The following ADGRG6 variants were observed in gnomAD, a reference collection of about 807,000 sequenced individuals.
ADGRG6 encodes the protein G-protein coupled receptor 126.
Under a neutral mutation model 142.4 loss-of-function variants are expected in ADGRG6, and 84 were observed. That is an observed-to-expected ratio of 0.59 (90% CI 0.49 to 0.71). The LOEUF (loss-of-function observed/expected upper bound fraction) is 0.71, where lower values mean the gene tolerates loss of function less well. ADGRG6 is among the 30% of genes least tolerant of loss of function. ADGRG6 has a pLI of 0.00. For missense variants in ADGRG6, 1,367 were observed against 1,466.6 expected, an observed-to-expected ratio of 0.93 and a Z score of 1.11; for synonymous variants, 521 against 520.5, an observed-to-expected ratio of 1.00 and a Z score of -0.01.
intron 2 of ADGRG6, among the ~76,000 whole-genome samples, chr6:142,325,856 TAA>T (rs1778750122): frequency 6.6e-6 from 1 of 152,036 alleles, no homozygotes; most frequent in Non-Finnish European, 1.5e-5. Flanking sequence ...TCCAGGAAGA[TAA>T]TGTACTTTTG....
chr6:142,418,044 C>G (rs914755854), intron 21 of ADGRG6, among the ~76,000 whole-genome samples: 1 of 152,062 alleles, frequency 6.6e-6, no homozygotes, highest in Non-Finnish European at 1.5e-5. Flanking sequence ...CCTATAATCC[C>G]AGCACTTTAG....
intron 22 of ADGRG6, among the ~76,000 whole-genome samples, chr6:142,420,468 T>C (rs1159511677): frequency 6.6e-6 from 1 of 152,162 alleles, no homozygotes; most frequent in Non-Finnish European, 1.5e-5. Flanking sequence ...TTCACAGTTT[T>C]GCTGAATGTT....
At chr6:142,342,020 G>C (rs1779682463) in intron 2 of ADGRG6, among the ~76,000 whole-genome samples, 1 of 151,990 alleles carries the variant, frequency 6.6e-6, no homozygotes, top group African/African-American at 2.4e-5. Context: ...CTAGAAAACA[G>C]TTTTTTGGTG....
rs368529000 is a variant in ADGRG6, at chr6:142,367,743, A to T, written c.278A>T (p.Asn93Ile). The change falls in exon 3 of 25, where the codon AAT (asparagine) becomes ATT (isoleucine). Residue 93 changes from asparagine (N) to isoleucine (I), a missense_variant. Around this residue, in one of 3 missense-constraint regions of ADGRG6, gnomAD observed 737 missense variants for 746.5 expected, o/e 0.99. Coordinates refer to ENST00000367609, the MANE Select transcript of ADGRG6 (RefSeq NM_198569.3). ...GACTTTGACATTGAAGAAGCTCCCA[A>T]TTGCATTTATGACTCATTATCCCTT... ...FNDFDIEEAP[N>I]CIYDSLSLDN... is the part of the protein sequence containing the mutation. 6.2e-7 allele frequency: 1 copy of T among 1,613,900 alleles called. No homozygotes were observed. Among genetic ancestry groups the T allele is most frequent in the Non-Finnish European group, 8.5e-7 (1 of 1,179,828 alleles).
At chr6:142,384,347 G>A (rs9484632) in intron 6 of ADGRG6, among the ~76,000 whole-genome samples, 2,511 of 151,904 alleles carry the variant, frequency 0.017, 73 homozygotes, top group African/African-American at 0.057. Context: ...TTTATTTGCC[G>A]AAGAATAATA....
At chr6:142,355,519 A>T (rs1780401112) in intron 2 of ADGRG6, among the ~76,000 whole-genome samples, 1 of 152,152 alleles carries the variant, frequency 6.6e-6, no homozygotes, top group Admixed American at 6.6e-5. Flanking sequence ...TTTTGCAGAG[A>T]TTTTGAATGA....
At chr6:142,355,641 T>A (rs1780406792) in intron 2 of ADGRG6, among the ~76,000 whole-genome samples, 2 of 152,096 alleles carry the variant, frequency 1.3e-5, no homozygotes, top group African/African-American at 4.8e-5. Context: ...CTGGGGGCAC[T>A]GACAAGCTTC....
intron 2 of ADGRG6, among the ~76,000 whole-genome samples, chr6:142,361,938 A>T (rs549689336): frequency 6.6e-6 from 1 of 152,186 alleles, no homozygotes; most frequent in Non-Finnish European, 1.5e-5. Flanking sequence ...CTTGCAAGTG[A>T]TGTATATCTA....
intron 21 of ADGRG6, among the ~76,000 whole-genome samples, chr6:142,418,804 A>G (rs374619803): frequency 1.3e-5 from 2 of 152,142 alleles, no homozygotes; most frequent in Non-Finnish European, 2.9e-5. Flanking sequence ...GAATTTCAAG[A>G]TGAATTTAGT....
Position 142,438,198 on chromosome 6 carries a change from A to ATTT in ADGRG6, c.3422-6_3422-4dup. ...TAAAGCAGATTGATAGGGTGATGTC[A>ATTT]TTTTTTTTTTCAGATTGGAGTAAGA... On this transcript the variant is annotated splice_polypyrimidine_tract_variant and intron_variant, in intron 23 of 24. Coordinates refer to ENST00000367609, the MANE Select transcript of ADGRG6 (RefSeq NM_198569.3). The ATTT allele has an allele frequency of 1.4e-6, 2 of 1,421,386 alleles. No individual in the cohort carries two copies. The highest frequency in any genetic ancestry group is 9.6e-7 in the Non-Finnish European group (1 of 1,045,522). 88.0% of individuals were successfully genotyped at this position (1,421,386 alleles called of 1,614,324 possible). A position where few individuals can be genotyped will look rare whatever the true frequency, so the allele number is the denominator to read the frequency against.
In ADGRG6 at chr6:142,370,600, G is replaced by A. The variant is rs750883061; in HGVS notation, c.876G>A (p.Leu292=). The change falls in exon 4 of 25, where the codon TTG becomes TTA. Residue 292 remains leucine (L), a synonymous_variant. Coordinates refer to ENST00000367609, the MANE Select transcript of ADGRG6 (RefSeq NM_198569.3). ...TTATTCCTGGGAATGGGAAATTGTTGTTGGGCTCCAATCAAAATGAAATTG... is the reference window on the plus strand; with the variant it reads ...TTATTCCTGGGAATGGGAAATTGTTATTGGGCTCCAATCAAAATGAAATTG... The part of the protein sequence containing the change: ...SKVIPGNGKL[L]LGSNQNEIVS... 1.2e-6 allele frequency: 2 copies of A among 1,612,792 alleles called. No homozygotes were observed. Among genetic ancestry groups the A allele is most frequent in the Admixed American group, 3.3e-5 (2 of 59,996 alleles).
At chr6:142,380,974 A>G (rs553006437) in intron 4 of ADGRG6, among the ~76,000 whole-genome samples, 1 of 152,318 alleles carries the variant, frequency 6.6e-6, no homozygotes, top group East Asian at 1.9e-4. Context: ...GCCTGCCTGT[A>G]ATATCAGGCC....
rs184710032 is a variant in ADGRG6 at position 142,438,713 on chromosome 6, T to C, written c.3574+349T>C. 5.1e-3 allele frequency among the ~76,000 whole-genome samples: 772 copies of C among 152,294 alleles called. 6 individuals are homozygous for C. The highest frequency in any genetic ancestry group is 8.0e-3 in the Admixed American group (122 of 15,288). On this transcript the variant is annotated intron_variant, in intron 24 of 24. Coordinates refer to ENST00000367609, the MANE Select transcript of ADGRG6 (RefSeq NM_198569.3). Reference sequence around the variant, plus strand: ...TGAATTACAGATTATTTCAGCATAGTATGATAATTACTGGACAAGTTGTCT... The same window carrying C: ...TGAATTACAGATTATTTCAGCATAGCATGATAATTACTGGACAAGTTGTCT...
intron 22 of ADGRG6, among the ~76,000 whole-genome samples, chr6:142,421,937 T>C (rs1339739465): frequency 6.6e-6 from 1 of 152,186 alleles, no homozygotes; most frequent in Admixed American, 6.6e-5. Context: ...CAACAATTGC[T>C]TGCTGCCCAG....
At chr6:142,325,667 A>G (rs572571055) in intron 2 of ADGRG6, among the ~76,000 whole-genome samples, 1 of 152,242 alleles carries the variant, frequency 6.6e-6, no homozygotes, top group South Asian at 2.1e-4. Flanking sequence ...GCTGTATTCA[A>G]TGAATTATTT....
Position 142,419,861 on chromosome 6 carries a change from G to T in ADGRG6, c.3076G>T (p.Ala1026Ser). ...TCCAGTCATATTTTATGTGACCTGT[G>T]CTGGGTATTTTGGAGTCATGTTTTT... is the stretch of plus-strand genomic sequence containing the variant. ...QDPVIFYVTC[A>S]GYFGVMFFLN... Residue 1026 changes from alanine to serine, a missense_variant, in exon 22 of 25, where the codon GCT (alanine) becomes TCT (serine). By Grantham distance (99) the Ala-to-Ser change is moderately conservative (BLOSUM62 1). This residue lies in a region of ADGRG6 where 344 missense variants were observed against 348.7 expected (regional missense o/e 0.99). Coordinates refer to ENST00000367609, the MANE Select transcript of ADGRG6 (RefSeq NM_198569.3). The T allele has an allele frequency of 6.2e-7, 1 of 1,612,660 alleles. No homozygotes were observed. Among genetic ancestry groups the T allele is most frequent in the Non-Finnish European group, 8.5e-7 (1 of 1,178,936 alleles).
At chr6:142,335,986 G>A (rs1210088417) in intron 2 of ADGRG6, among the ~76,000 whole-genome samples, 1 of 152,106 alleles carries the variant, frequency 6.6e-6, no homozygotes, top group Non-Finnish European at 1.5e-5. Flanking sequence ...TGGAACTGGG[G>A]TGGCCATATA....
chr6:142,407,322 G>T (rs1775858588), intron 15 of ADGRG6, among the ~76,000 whole-genome samples: 1 of 151,956 alleles, frequency 6.6e-6, no homozygotes, highest in Non-Finnish European at 1.5e-5. Flanking sequence ...TTACTGAAAG[G>T]CTGGGTATCA....
At position 142,377,501 on chromosome 6, in the gene ADGRG6, C is replaced by T. The variant is rs573265082; in HGVS notation, c.1070-4450C>T. Among the ~76,000 whole-genome samples the T allele has an allele frequency of 1.1e-3, 166 of 152,238 alleles. 2 individuals are homozygous for T. The highest frequency in any genetic ancestry group is 3.8e-3 in the African/African-American group (158 of 41,544). ...GCATCTGATGTAAACACTTGTGGGG[C>T]GGGTGGGAGATTCTCCGGGCGCCCC... On this transcript the variant is annotated intron_variant, in intron 4 of 24. Transcript: ENST00000367609.
Sources: gnomAD v4.1 joint callset for allele counts (sites outside exome capture counted in the v4.1 genomes callset) on GRCh38, gnomAD v4.1.1 for gene constraint, gnomAD v4.1.1 regional missense constraint, MANE v1.5 for transcripts, NCBI Gene and HGNC (gene_info 2026-07-23, HGNC 2026-07-21) for gene names.